Variants in POT1 observed in about 807,000 individuals in gnomAD.
The protein encoded by POT1 is protection of telomeres 1.
In POT1, 47 loss-of-function variants were observed where a neutral mutation model predicts 78.5. That is an observed-to-expected ratio of 0.60 (90% CI 0.47 to 0.76). POT1 has a LOEUF of 0.76. Among genes scored for constraint, POT1 ranks in the 30% least tolerant of loss-of-function variants. The pLI is 0.00. For synonymous variants in POT1, 259 were observed against 260.7 expected, an observed-to-expected ratio of 0.99 and a Z score of 0.06; for missense variants, 646 against 749.9, an observed-to-expected ratio of 0.86 and a Z score of 1.62.
At chr7:124,850,003 A>C (rs1795264908) in intron 11 of POT1, among the ~76,000 whole-genome samples, 1 of 152,168 alleles carries the variant, frequency 6.6e-6, no homozygotes, top group Non-Finnish European at 1.5e-5. Flanking sequence ...GGTATAGTGA[A>C]AGCTATTCAA....
intron 3 of POT1, among the ~76,000 whole-genome samples, chr7:124,914,251 G>C (rs1796961955): frequency 6.6e-6 from 1 of 151,864 alleles, no homozygotes; most frequent in South Asian, 2.1e-4. Context: ...TCTGTGATAA[G>C]TTTTGAAACT....
At position 124,829,098 on chromosome 7, in the gene POT1, A is replaced by G. The variant is rs766261864; in HGVS notation, c.1594+156T>C. The G allele has an allele frequency of 4.1e-5, 31 of 762,684 alleles. 1 individual carries two copies. Among genetic ancestry groups the G allele is most frequent in the South Asian group, 7.0e-5 (5 of 71,754 alleles). The allele number at this position is 762,684 out of a possible 1,614,324, so 47.2% of individuals were successfully genotyped here. A position where few individuals can be genotyped will look rare whatever the true frequency, so the allele number is the denominator to read the frequency against. On this transcript the variant is annotated intron_variant, in intron 16 of 18. Coordinates refer to ENST00000357628, the MANE Select transcript of POT1 (RefSeq NM_015450.3). ...TACAGACTAAAGGAAGGCTTGGCAGATATCTTTAAATTTACAAAGTCTGTT... is the reference window on the plus strand; with the variant it reads ...TACAGACTAAAGGAAGGCTTGGCAGGTATCTTTAAATTTACAAAGTCTGTT...
At chr7:124,837,614 G>A (rs1051622675) in intron 14 of POT1, among the ~76,000 whole-genome samples, 8 of 151,908 alleles carry the variant, frequency 5.3e-5, no homozygotes. Flanking sequence ...GGCTCAGATT[G>A]TTTCAATAGC....
chr7:124,825,453 A>C, intron 17 of POT1, 96 bp from the exon 18 acceptor site: 2 of 742,338 alleles, frequency 2.7e-6, no homozygotes, highest in South Asian at 4.9e-5. Flanking sequence ...CAATTAAAAG[A>C]TAATCTAGAC....
intron 12 of POT1, among the ~76,000 whole-genome samples, chr7:124,844,260 C>T (rs113947276): frequency 6.6e-6 from 1 of 151,144 alleles, no homozygotes; most frequent in Non-Finnish European, 1.5e-5. Context: ...TCCTAAGTAG[C>T]TGGGATTACA....
In POT1 at chr7:124,822,411, A is replaced by T. The variant is rs1243094546; in HGVS notation, c.*1551T>A. ...TCATGATAAGGTGGATGTTTATTTA[A>T]AACAAAAATAAGAAGAGACATGGCC... On this transcript the variant is annotated 3_prime_UTR_variant, in exon 19 of 19. Transcript: ENST00000357628. 1 of 327,790 alleles carries T rather than the reference A, an allele frequency of 3.1e-6. No homozygotes were observed. The highest frequency in any genetic ancestry group is 6.5e-6 in the Non-Finnish European group (1 of 154,650). 20.3% of individuals were successfully genotyped at this position (327,790 alleles called of 1,614,324 possible). A position where few individuals can be genotyped will look rare whatever the true frequency, so the allele number is the denominator to read the frequency against.
intron 14 of POT1, among the ~76,000 whole-genome samples, chr7:124,839,107 G>T (rs960367918): frequency 5.9e-5 from 9 of 152,126 alleles, no homozygotes; most frequent in Non-Finnish European, 8.8e-5. Flanking sequence ...GAAAATAACA[G>T]ACAGATTAAA....
At position 124,870,985 on chromosome 7, in the gene POT1, G is replaced by T; in HGVS notation, c.181C>A (p.Leu61Ile). The change falls in exon 7 of 19, where the codon CTC becomes ATC. Residue 61 changes from leucine to isoleucine, a missense_variant. This residue lies in a region of POT1 where 252 missense variants were observed against 341.4 expected (regional missense o/e 0.74). Coordinates refer to ENST00000357628, the MANE Select transcript of POT1 (RefSeq NM_015450.3). ...AGGGCTTCATAGTTTCCACTAAAGA[G>T]CAGGCAAGTTAGTTTTACATTTGTC... ...DQTNVKLTCL[L>I]FSGNYEALPI... 6.2e-7 allele frequency: 1 copy of T among 1,610,190 alleles called. No homozygotes were observed.
intron 3 of POT1, among the ~76,000 whole-genome samples, chr7:124,901,534 T>A (rs1274346418): frequency 1.3e-5 from 2 of 152,094 alleles, no homozygotes; most frequent in South Asian, 4.1e-4. Context: ...GTCACCATCA[T>A]CAAAGACCAA....
chr7:124,877,824 G>A (rs554722534), intron 6 of POT1, among the ~76,000 whole-genome samples: 1 of 110,174 alleles, frequency 9.1e-6, no homozygotes, highest in Non-Finnish European at 1.8e-5. Context: ...CTGGGCGACA[G>A]AGAGAGATTC....
intron 14 of POT1, chr7:124,840,612 AAAC>A (rs1419116419): frequency 6.4e-6 from 1 of 155,994 alleles, no homozygotes; most frequent in East Asian, 1.9e-4. Context: ...TATTTCTATG[AAAC>A]AACAGTGACA....
rs1352684720 is a variant in POT1 at position 124,905,486 on chromosome 7, T to C, written c.-153-7112A>G. Among the ~76,000 whole-genome samples, 4 of 151,674 alleles carry C rather than the reference T, an allele frequency of 2.6e-5. No individual in the cohort carries two copies. In the East Asian group the frequency reaches 7.7e-4, roughly 29 times the overall value. On this transcript the variant is annotated intron_variant, in intron 3 of 18. Coordinates refer to ENST00000357628, the MANE Select transcript of POT1 (RefSeq NM_015450.3). ...ACCTTATACAAAAATTAATTAAAGA[T>C]GGATTAAAGACTTAAACGTTAGACC...
chr7:124,890,205 C>T (rs928570569), intron 6 of POT1, among the ~76,000 whole-genome samples: 1 of 151,864 alleles, frequency 6.6e-6, no homozygotes, highest in African/African-American at 2.4e-5. Flanking sequence ...GGAATTAAGT[C>T]ACTGCAGATG....
intron 15 of POT1, among the ~76,000 whole-genome samples, chr7:124,832,842 G>A (rs1056439124): frequency 6.6e-6 from 1 of 151,586 alleles, no homozygotes; most frequent in East Asian, 1.9e-4. Context: ...AAAAAAATGG[G>A]GTCCTTAAGG....
intron 2 of POT1, among the ~76,000 whole-genome samples, chr7:124,923,782 G>GA (rs1705370246): frequency 6.6e-6 from 1 of 150,658 alleles, no homozygotes; most frequent in Admixed American, 6.6e-5. Context: ...ATTACCAAGA[G>GA]AAAAGCATCT....
chr7:124,858,781 T>C (rs1281190490), intron 9 of POT1, 176 bp downstream of exon 9: 1 of 428,608 alleles, frequency 2.3e-6, no homozygotes, highest in Non-Finnish European at 4.0e-6. Context: ...ACCCATTAAG[T>C]TTATCTTTTA....
chr7:124,823,369 T>G lies in POT1; in HGVS notation c.*593A>C, dbSNP rs886466545. 2.6e-5 allele frequency: 4 copies of G among 152,000 alleles called. No homozygotes were observed. Among genetic ancestry groups the G allele is most frequent in the Non-Finnish European group, 5.9e-5 (4 of 67,930 alleles). 9.4% of individuals were successfully genotyped at this position (152,000 alleles called of 1,614,324 possible). On this transcript the variant is annotated 3_prime_UTR_variant, in exon 19 of 19. Coordinates refer to ENST00000357628, the MANE Select transcript of POT1 (RefSeq NM_015450.3). ...TATATATATAAATGTTTGTATAAAA[T>G]TGAATATTCATGATTTTAAATTTGA...
chr7:124,841,718 T>C (rs548720794), intron 13 of POT1, among the ~76,000 whole-genome samples: 2 of 152,148 alleles, frequency 1.3e-5, no homozygotes, highest in East Asian at 3.9e-4. Context: ...TCTGGTTCTG[T>C]TGCCAGTTAA....
intron 6 of POT1, among the ~76,000 whole-genome samples, chr7:124,883,834 T>A (rs1387070416): frequency 6.6e-6 from 1 of 151,874 alleles, no homozygotes; most frequent in Non-Finnish European, 1.5e-5. Context: ...GAAAAATAGA[T>A]TAAATAATTA....
Sources: gnomAD v4.1 joint callset for allele counts (sites outside exome capture counted in the v4.1 genomes callset) on GRCh38, gnomAD v4.1.1 for gene constraint, gnomAD v4.1.1 regional missense constraint, MANE v1.5 for transcripts, NCBI Gene and HGNC (gene_info 2026-07-23, HGNC 2026-07-21) for gene names.